Variants in HLCS observed in about 807,000 individuals in gnomAD.
The protein encoded by HLCS is biotin--protein ligase.
A neutral mutation model predicts 75.0 loss-of-function variants in HLCS; 53 were observed. The observed-to-expected ratio is 0.71, with a 90% CI of 0.57 to 0.89. The LOEUF is 0.89. HLCS is among the 40% of genes least tolerant of loss of function. The probability of loss-of-function intolerance (pLI) is 0.00; values close to 1 mark genes in which losing one functional copy is unlikely to be tolerated. For missense variants in HLCS, 966 were observed against 1,074.0 expected (o/e 0.90, Z 1.41); for synonymous variants, 431 against 428.6 (o/e 1.01, Z -0.07).
intron 6 of HLCS, among the ~76,000 whole-genome samples, chr21:36,824,053 G>A (rs1027212120): frequency 3.9e-5 from 6 of 152,288 alleles, no homozygotes; most frequent in Admixed American, 2.6e-4. Context: ...GCCGAGGCAG[G>A]CGGATCACCT....
At chr21:36,871,918 A>G (rs1321944548) in intron 6 of HLCS, among the ~76,000 whole-genome samples, 1 of 152,224 alleles carries the variant, frequency 6.6e-6, no homozygotes, top group Non-Finnish European at 1.5e-5. Flanking sequence ...AGGAAAATGC[A>G]GATTGAAAGC....
chr21:36,867,648 G>A (rs1211481248), intron 6 of HLCS, among the ~76,000 whole-genome samples: 3 of 152,204 alleles, frequency 2.0e-5, no homozygotes, highest in African/African-American at 4.8e-5. Flanking sequence ...AAAGTCACAT[G>A]TTAAAGACGG....
intron 8 of HLCS, among the ~76,000 whole-genome samples, chr21:36,761,068 C>G (rs772271893): frequency 6.6e-6 from 1 of 152,220 alleles, no homozygotes; most frequent in Non-Finnish European, 1.5e-5. Context: ...GGTCTTCCCA[C>G]GTTGCAGGCC....
chr21:36,820,623 C>T (rs554884565), intron 6 of HLCS, among the ~76,000 whole-genome samples: 1 of 152,330 alleles, frequency 6.6e-6, no homozygotes, highest in South Asian at 2.1e-4. Flanking sequence ...CCAACAAGCA[C>T]AGGCTTCTGG....
intron 3 of HLCS, 101 bp from the exon 4 acceptor site, chr21:36,937,493 A>G: frequency 9.2e-7 from 1 of 1,088,462 alleles, no homozygotes; most frequent in Non-Finnish European, 1.4e-6. Context: ...GCATTCTGGG[A>G]CTTACATTCC....
chr21:36,884,037 T>C (rs2064343515), intron 6 of HLCS, among the ~76,000 whole-genome samples: 1 of 152,192 alleles, frequency 6.6e-6, no homozygotes, highest in African/African-American at 2.4e-5. Context: ...GCAATTCACA[T>C]GGTCACCCAG....
chr21:36,924,251 T>C (rs1440931330), intron 5 of HLCS, among the ~76,000 whole-genome samples: 1 of 152,216 alleles, frequency 6.6e-6, no homozygotes, highest in African/African-American at 2.4e-5. Context: ...TGGAGAATTC[T>C]AATTAACTCA....
chr21:36,867,759 C>T (rs550808824), intron 6 of HLCS, among the ~76,000 whole-genome samples: 1 of 152,334 alleles, frequency 6.6e-6, no homozygotes, highest in South Asian at 2.1e-4. Flanking sequence ...TGAGGGAGAA[C>T]TACATGCCCT....
chr21:36,837,310 A>G lies in HLCS; in HGVS notation c.1892+59550T>C, dbSNP rs1046089403. Among the ~76,000 whole-genome samples, 7 of 152,252 alleles carry G rather than the reference A, an allele frequency of 4.6e-5. 1 individual carries two copies. The highest frequency in any genetic ancestry group is 1.0e-4 in the Non-Finnish European group (7 of 68,042). On this transcript the variant is annotated intron_variant, in intron 6 of 10. Transcript: ENST00000674895. The stretch of plus-strand genomic sequence containing the variant: ...GAAAACCTGAAGCATTATACAAACT[A>G]TATGCTATACTGTAAAGTTTTAATA...
At chr21:36,799,006 T>TA (rs891468459) in intron 6 of HLCS, among the ~76,000 whole-genome samples, 22 of 152,194 alleles carry the variant, frequency 1.4e-4, no homozygotes, top group Non-Finnish European at 2.4e-4. Context: ...CTGTGTTTTA[T>TA]AAAAAAAAGA....
chr21:36,790,570 A>G (rs1386555084), intron 6 of HLCS, among the ~76,000 whole-genome samples: 1 of 152,256 alleles, frequency 6.6e-6, no homozygotes, highest in African/African-American at 2.4e-5. Flanking sequence ...AAACAACCAC[A>G]TAGACATATT....
chr21:36,937,819 G>A (rs1160690398), intron 3 of HLCS, among the ~76,000 whole-genome samples: 1 of 152,180 alleles, frequency 6.6e-6, no homozygotes, highest in African/African-American at 2.4e-5. Flanking sequence ...TCACTCTCAA[G>A]ACATGCCATA....
intron 1 of HLCS, 29 bp downstream of exon 1, chr21:36,966,415 C>A: frequency 1.8e-6 from 1 of 542,820 alleles, no homozygotes; most frequent in Non-Finnish European, 2.4e-6. Flanking sequence ...TCGCGGGGCC[C>A]GGGTCGCCCG....
intron 6 of HLCS, among the ~76,000 whole-genome samples, chr21:36,838,384 A>T (rs982653452): frequency 4.6e-5 from 7 of 151,806 alleles, no homozygotes; most frequent in Non-Finnish European, 8.8e-5. Context: ...TACTTGGAAA[A>T]AGGGTCTTTG....
At chr21:36,827,860 C>T (rs1277697310) in intron 6 of HLCS, among the ~76,000 whole-genome samples, 1 of 148,054 alleles carries the variant, frequency 6.8e-6, no homozygotes, top group Admixed American at 6.8e-5. Flanking sequence ...GTCATCCAGG[C>T]TGGAGTGCAG....
At chr21:36,986,772 G>A (rs373662347) in intron 1 of HLCS, 1 of 152,202 alleles carries the variant, frequency 6.6e-6, no homozygotes. Flanking sequence ...TGAGAAGGGG[G>A]AAAAGAATAA....
At chr21:36,851,146 G>T (rs920031185) in intron 6 of HLCS, among the ~76,000 whole-genome samples, 1 of 152,152 alleles carries the variant, frequency 6.6e-6, no homozygotes, top group Admixed American at 6.5e-5. Flanking sequence ...TTTCAATAGA[G>T]CTACCATACA....
intron 6 of HLCS, among the ~76,000 whole-genome samples, chr21:36,877,674 C>A (rs2064038151): frequency 6.6e-6 from 1 of 152,098 alleles, no homozygotes; most frequent in Non-Finnish European, 1.5e-5. Context: ...AGATATTTGT[C>A]CAGAGAGCAT....
chr21:36,769,262 G>A (rs7276595), intron 6 of HLCS, among the ~76,000 whole-genome samples: 15,961 of 152,208 alleles, frequency 0.1, 1,471 homozygotes, highest in African/African-American at 0.25. Flanking sequence ...GGAGACAACC[G>A]GGGAAGGAGC....
Sources: allele counts gnomAD v4.1 joint callset (sites outside exome capture counted in the v4.1 genomes callset), GRCh38; gene constraint gnomAD v4.1.1; transcripts MANE v1.5; gene names NCBI Gene and HGNC (gene_info 2026-07-23, HGNC 2026-07-21).